The following NHSL1 variants were observed in gnomAD, a reference collection of about 807,000 sequenced individuals.
NHSL1 encodes the protein NHS like 1, also known as NHS-like protein 1.
A neutral mutation model predicts 95.0 loss-of-function variants in NHSL1; 48 were observed. The ratio of observed to expected loss-of-function variants is 0.51; its 90% CI spans 0.40 to 0.64. NHSL1 has a LOEUF of 0.64. Ranked by LOEUF, NHSL1 falls within the 30% of genes least tolerant of loss-of-function variation. NHSL1 has a pLI of 0.00. For synonymous variants in NHSL1, 783 were observed against 833.9 expected, an observed-to-expected ratio of 0.94 and a Z score of 1.05; for missense variants, 1,971 against 2,077.7, an observed-to-expected ratio of 0.95 and a Z score of 1.00.
chr6:138,584,962 A>G (rs570470696), intron 1 of NHSL1, among the ~76,000 whole-genome samples: 1 of 152,238 alleles, frequency 6.6e-6, no homozygotes. Flanking sequence ...GGTAAGGACC[A>G]CAGGGCCTTA....
intron 1 of NHSL1, among the ~76,000 whole-genome samples, chr6:138,580,065 C>T (rs189332659): frequency 1.3e-5 from 2 of 152,228 alleles, no homozygotes; most frequent in East Asian, 3.9e-4. Context: ...TCAGGAGCAT[C>T]CAGGAAGCAA....
rs530291542 is a variant in NHSL1 at position 138,610,889 on chromosome 6, C to T, written c.96+81587G>A. Among the ~76,000 whole-genome samples, 271 of 152,048 alleles carry T rather than the reference C, an allele frequency of 1.8e-3. 3 individuals carry two copies. Among genetic ancestry groups the T allele is most frequent in the Admixed American group, 4.0e-3 (61 of 15,242 alleles). ...GGTCGGGAGTTCAAGACCAGCCTGA[C>T]GAACGTGGTGAAATCCCATCTCTAA... On this transcript the variant is annotated intron_variant, in intron 1 of 3. Transcript: ENST00000491526.
intron 1 of NHSL1, among the ~76,000 whole-genome samples, chr6:138,646,470 C>G (rs1047255004): frequency 6.6e-6 from 1 of 151,860 alleles, no homozygotes; most frequent in South Asian, 2.1e-4. Flanking sequence ...GCACTCCTGC[C>G]TGAGCGGCAG....
intron 3 of NHSL1, among the ~76,000 whole-genome samples, chr6:138,461,791 T>TG (rs1778014586): frequency 6.6e-6 from 1 of 152,140 alleles, no homozygotes; most frequent in Admixed American, 6.5e-5. Context: ...AAGGTCAAAG[T>TG]AGGGTTTCTT....
chr6:138,635,557 A>G (rs1355153543), intron 1 of NHSL1, among the ~76,000 whole-genome samples: 1 of 152,198 alleles, frequency 6.6e-6, no homozygotes, highest in Non-Finnish European at 1.5e-5. Context: ...CAAAAGCCCA[A>G]GACCCAATGG....
At chr6:138,683,007 C>T (rs1480309010) in intron 1 of NHSL1, among the ~76,000 whole-genome samples, 1 of 152,164 alleles carries the variant, frequency 6.6e-6, no homozygotes, top group Non-Finnish European at 1.5e-5. Flanking sequence ...GAGGCACAAG[C>T]GACAGCTCTC....
chr6:138,483,091 A>G (rs1450396082), intron 2 of NHSL1, among the ~76,000 whole-genome samples: 2 of 152,224 alleles, frequency 1.3e-5, no homozygotes, highest in Admixed American at 1.3e-4. Flanking sequence ...GAGTAAGGCA[A>G]ATACCTAAAG....
At chr6:138,427,956 C>T (rs1775370234) in intron 7 of NHSL1, among the ~76,000 whole-genome samples, 1 of 152,218 alleles carries the variant, frequency 6.6e-6, no homozygotes, top group Non-Finnish European at 1.5e-5. Context: ...TGACTTCTCT[C>T]ATACGTGCAC....
chr6:138,684,094 C>T (rs1363897649), intron 1 of NHSL1, among the ~76,000 whole-genome samples: 2 of 151,604 alleles, frequency 1.3e-5, no homozygotes, highest in African/African-American at 4.8e-5. Flanking sequence ...CACCTGTAGT[C>T]CCAGCTACTC....
intron 1 of NHSL1, among the ~76,000 whole-genome samples, chr6:138,508,906 T>C (rs1781090660): frequency 6.6e-6 from 1 of 152,212 alleles, no homozygotes; most frequent in Non-Finnish European, 1.5e-5. Context: ...TTATTCTTTG[T>C]GACATGTTAT....
chr6:138,473,503 T>G, intron 2 of NHSL1, 70 bp from the exon 3 acceptor site: 2 of 1,307,472 alleles, frequency 1.5e-6, no homozygotes, highest in Non-Finnish European at 2.0e-6. Flanking sequence ...TTACTTTACG[T>G]TTACTCCTCT....
At position 138,431,696 on chromosome 6, in the gene NHSL1, G is replaced by A; in HGVS notation, c.2649C>T (p.Pro883=). The A allele has an allele frequency of 6.4e-7, 1 of 1,551,716 alleles. No homozygotes were observed. The highest frequency in any genetic ancestry group is 8.7e-7 in the Non-Finnish European group (1 of 1,146,984). ...SPANGKGKPK[P]KVPERKSSLI... The stretch of plus-strand genomic sequence containing the variant: ...GAGAGGACTTCCTTTCTGGTACCTT[G>A]GGCTTGGGCTTCCCCTTCCCGTTTG... Residue 883 remains proline, a synonymous_variant, in exon 6 of 8, where the codon CCC becomes CCT. Transcript: ENST00000343505. This position sits in a 1 kb window ranked among gnomAD's most constrained non-coding sequence, Gnocchi z 4.0.
chr6:138,455,501 GCCTTCACATGCTCCCTGCAAGGAGC>G (rs1777537541), intron 3 of NHSL1, among the ~76,000 whole-genome samples: 2 of 73,600 alleles, frequency 2.7e-5, no homozygotes, highest in Non-Finnish European at 5.5e-5. Context: ...AAGGAGCCCC[GCCTTCACATGCTCCCTGCAAGGAGC>G]CCCGCCTTCA....
intron 3 of NHSL1, among the ~76,000 whole-genome samples, chr6:138,462,029 A>C (rs1037130010): frequency 6.6e-6 from 1 of 152,170 alleles, no homozygotes; most frequent in South Asian, 2.1e-4. Context: ...GGGTGAGTCC[A>C]TTAAGGAGGA....
At chr6:138,522,423 C>A (rs1781720515) in intron 1 of NHSL1, among the ~76,000 whole-genome samples, 1 of 152,192 alleles carries the variant, frequency 6.6e-6, no homozygotes, top group African/African-American at 2.4e-5. Flanking sequence ...GGATGGATCA[C>A]CTAAGGTCAG....
chr6:138,629,382 T>C (rs1365952382), intron 1 of NHSL1, among the ~76,000 whole-genome samples: 7 of 139,398 alleles, frequency 5.0e-5, no homozygotes, highest in East Asian at 4.1e-4. Context: ...TCTTTCTTTC[T>C]TTCTTTCTTT....
At chr6:138,693,071 G>C (rs1468178117), upstream of NHSL1, among the ~76,000 whole-genome samples, 1 of 151,608 alleles carries the variant, frequency 6.6e-6, no homozygotes, top group Non-Finnish European at 1.5e-5. The surrounding 1 kb of genome is among the most constrained non-coding windows in gnomAD (Gnocchi z 4.3). Flanking sequence ...AGTTCCAGGG[G>C]CAGCTCTGGG....
At chr6:138,538,001 C>T (rs981876447) in intron 1 of NHSL1, among the ~76,000 whole-genome samples, 3 of 152,106 alleles carry the variant, frequency 2.0e-5, no homozygotes, top group African/African-American at 7.2e-5. Context: ...AATAACACAC[C>T]CCAAATTCTA....
Position 138,433,407 on chromosome 6 carries a change from G to A in NHSL1, c.938C>T (p.Pro313Leu). ...VLSDSAGIVF[P>L]SRLDSDAGFH... ...GCCAGCATCACTGTCAAGGCGGGAAGGGAATACGATCCCTGCAGAATCGCT... is the reference window on the plus strand; with the variant it reads ...GCCAGCATCACTGTCAAGGCGGGAAAGGAATACGATCCCTGCAGAATCGCT... Residue 313 changes from proline to leucine, a missense_variant, in exon 6 of 8, where the codon CCT becomes CTT. Transcript: ENST00000343505. 1 of 1,552,280 alleles carries A rather than the reference G, an allele frequency of 6.4e-7. No homozygotes were observed. Among genetic ancestry groups the A allele is most frequent in the African/African-American group, 1.4e-5 (1 of 73,150 alleles).
Sources: allele counts gnomAD v4.1 joint callset (sites outside exome capture counted in the v4.1 genomes callset), GRCh38; gene constraint gnomAD v4.1.1; non-coding constraint Gnocchi (gnomAD v3.1); transcripts MANE v1.5; gene names NCBI Gene and HGNC (gene_info 2026-07-23, HGNC 2026-07-21).